The following RYR3 variants were observed in gnomAD, a reference collection of about 807,000 sequenced individuals.
RYR3 encodes ryanodine receptor 3.
Under a neutral mutation model 584.3 loss-of-function variants are expected in RYR3, and 207 were observed. The observed-to-expected ratio is 0.35, with a 90% CI of 0.32 to 0.40. The LOEUF (loss-of-function observed/expected upper bound fraction) is 0.40. RYR3 is among the 10% of genes least tolerant of loss of function. RYR3 has a pLI of 1.00. For missense variants in RYR3, 5,616 were observed against 6,089.2 expected (o/e 0.92, Z 2.59); for synonymous variants, 2,416 against 2,248.5 (o/e 1.07, Z -2.11).
At chr15:33,657,050 CCA>C (rs1456809415) in intron 32 of RYR3, among the ~76,000 whole-genome samples, 1 of 152,196 alleles carries the variant, frequency 6.6e-6, no homozygotes, top group Admixed American at 6.5e-5. Context: ...ATCCTGCTTA[CCA>C]CACCACCAAT....
chr15:33,610,347 A>G (rs1284897252), intron 18 of RYR3, among the ~76,000 whole-genome samples: 1 of 152,172 alleles, frequency 6.6e-6, no homozygotes, highest in East Asian at 1.9e-4. Flanking sequence ...CTAGAAGGCA[A>G]CACATACGTA....
intron 32 of RYR3, among the ~76,000 whole-genome samples, chr15:33,653,998 T>G (rs1371457676): frequency 6.6e-6 from 1 of 152,196 alleles, no homozygotes; most frequent in African/African-American, 2.4e-5. Context: ...GAATCAATAA[T>G]GTTCTATGAA....
intron 38 of RYR3, 139 bp from the exon 39 acceptor site, chr15:33,696,079 G>A (rs1367279379): frequency 1.0e-5 from 7 of 698,456 alleles, no homozygotes; most frequent in Non-Finnish European, 4.6e-6. Flanking sequence ...ATAGGCATGA[G>A]CCACTGCACA....
At chr15:33,696,149 TG>T in intron 38 of RYR3, 68 bp from the exon 39 acceptor site, 2 of 1,453,580 alleles carry the variant, frequency 1.4e-6, no homozygotes, top group Non-Finnish European at 1.9e-6. Context: ...TTGCATGAAG[TG>T]GCTGAAACAC....
chr15:33,699,952 A>G (rs2066179923), intron 41 of RYR3, 119 bp downstream of exon 41: 1 of 971,772 alleles, frequency 1.0e-6, no homozygotes, highest in Non-Finnish European at 1.5e-6. Flanking sequence ...TGTAAATACT[A>G]GAAGAGACTC....
chr15:33,834,869 C>T, intron 86 of RYR3, 99 bp from the exon 87 acceptor site: 1 of 767,260 alleles, frequency 1.3e-6, no homozygotes, highest in Non-Finnish European at 2.1e-6. Context: ...TTTGGAAAGT[C>T]TATCTGCTCA....
Position 33,757,567 on chromosome 15 carries a change from C to T in RYR3, c.8676C>T (p.Ala2892=). ...AGCCCCTTAGCAGCAGCGGATATGC[C>T]TCCCATAAGGAGAAAGAAATGGTGG... ...PLKPLSSSGY[A]SHKEKEMVAG... Residue 2892 remains alanine (A), a synonymous_variant, in exon 60 of 104, where the codon GCC becomes GCT. Transcript: ENST00000634891. The T allele has an allele frequency of 1.2e-6, 2 of 1,611,284 alleles. No individual in the cohort carries two copies. The highest frequency in any genetic ancestry group is 1.7e-6 in the Non-Finnish European group (2 of 1,179,008).
At chr15:33,385,672 T>A (rs1356490929) in intron 1 of RYR3, among the ~76,000 whole-genome samples, 2 of 150,266 alleles carry the variant, frequency 1.3e-5, no homozygotes, top group Non-Finnish European at 2.9e-5. Context: ...CTGACACTTC[T>A]GCCCCCTTTT....
intron 16 of RYR3, among the ~76,000 whole-genome samples, chr15:33,590,785 A>G (rs1248880903): frequency 6.6e-6 from 1 of 152,082 alleles, no homozygotes; most frequent in Non-Finnish European, 1.5e-5. Context: ...CTTTAAATAT[A>G]ATTTTACATC....
intron 16 of RYR3, 110 bp from the exon 17 acceptor site, chr15:33,601,309 C>G: frequency 8.9e-7 from 1 of 1,123,310 alleles, no homozygotes; most frequent in Non-Finnish European, 1.3e-6. Flanking sequence ...GCTCTCTACC[C>G]GTCACCTAGC....
At chr15:33,831,590 C>T (rs1259410453) in intron 86 of RYR3, among the ~76,000 whole-genome samples, 1 of 152,224 alleles carries the variant, frequency 6.6e-6, no homozygotes, top group Non-Finnish European at 1.5e-5. Context: ...AGCGCACAAA[C>T]TACATGCAGT....
chr15:33,364,937 T>A (rs1464535211), intron 1 of RYR3, among the ~76,000 whole-genome samples: 1 of 152,038 alleles, frequency 6.6e-6, no homozygotes, highest in Non-Finnish European at 1.5e-5. Context: ...TTGCAAACGA[T>A]CTCAGGAAGG....
intron 1 of RYR3, among the ~76,000 whole-genome samples, chr15:33,407,105 A>C (rs572721994): frequency 6.6e-6 from 1 of 152,312 alleles, no homozygotes; most frequent in African/African-American, 2.4e-5. Context: ...TGGAAGGGAC[A>C]GAAGGTCAAG....
rs548484929 is a variant in RYR3 at position 33,562,780 on chromosome 15, T to C, written c.973-57T>C. 4 of 1,328,062 alleles carry C rather than the reference T, an allele frequency of 3.0e-6. No individual in the cohort carries two copies. The African/African-American group carries it at 4.4e-5, about 15-fold the overall frequency. The allele number at this position is 1,328,062 out of a possible 1,614,324, so 82.3% of individuals were successfully genotyped here. A position where few individuals can be genotyped will look rare whatever the true frequency, so the allele number is the denominator to read the frequency against. On this transcript the variant is annotated intron_variant, in intron 10 of 103. Coordinates refer to ENST00000634891, the MANE Select transcript of RYR3 (RefSeq NM_001036.6). ...TTCATAGGTGATTCGTTTTGTATAT[T>C]GAGCTTCTAATTTAATCAGCTATGC...
chr15:33,636,255 G>A, intron 26 of RYR3, 121 bp from the exon 27 acceptor site: 1 of 853,100 alleles, frequency 1.2e-6, no homozygotes, highest in East Asian at 2.4e-5. Flanking sequence ...TTATCCTTGA[G>A]TGTCCCCTAG....
At chr15:33,720,615 G>A (rs1424533828) in intron 43 of RYR3, among the ~76,000 whole-genome samples, 1 of 152,224 alleles carries the variant, frequency 6.6e-6, no homozygotes, top group Non-Finnish European at 1.5e-5. Flanking sequence ...TGTAATCCCA[G>A]CACTTTGGGA....
chr15:33,725,202 C>CACACACAT lies in RYR3; in HGVS notation c.6912+1027_6912+1028insCACACATA, dbSNP rs1391087187. Among the ~76,000 whole-genome samples the CACACACAT allele has an allele frequency of 4.5e-3, 503 of 110,886 alleles. 5 individuals carry two copies. The highest frequency in any genetic ancestry group is 0.015 in the African/African-American group (483 of 32,296). 72.7% of individuals were successfully genotyped at this position (110,886 alleles called of 152,430 possible). ...ACACACACACACACACACACACACA[C>CACACACAT]ATATATACATCCCTTCTTAGGACCC... On this transcript the variant is annotated intron_variant, in intron 45 of 103. Transcript: ENST00000634891.
At chr15:33,460,798 G>A (rs532765492) in intron 1 of RYR3, among the ~76,000 whole-genome samples, 1 of 152,074 alleles carries the variant, frequency 6.6e-6, no homozygotes, top group African/African-American at 2.4e-5. Flanking sequence ...ACTCAAACCA[G>A]TGCCTGCAGG....
intron 42 of RYR3, among the ~76,000 whole-genome samples, chr15:33,702,386 G>A (rs2066369651): frequency 6.6e-6 from 1 of 152,226 alleles, no homozygotes; most frequent in Non-Finnish European, 1.5e-5. Flanking sequence ...CAAAGCCCAA[G>A]ACTGTGCTGG....
Sources: allele counts gnomAD v4.1 joint callset (sites outside exome capture counted in the v4.1 genomes callset), GRCh38; gene constraint gnomAD v4.1.1; transcripts MANE v1.5; gene names NCBI Gene and HGNC (gene_info 2026-07-23, HGNC 2026-07-21).